C1QTNF5: variants seen among roughly 807,000 people sequenced by gnomAD.
C1QTNF5 encodes the protein C1q and TNF related 5.
A neutral mutation model predicts 10.9 loss-of-function variants in C1QTNF5; 5 were observed. The observed-to-expected ratio is 0.46, with a 90% CI of 0.24 to 0.97. The LOEUF is 0.97. C1QTNF5 is among the 50% of genes least tolerant of loss of function. The pLI is 0.19. For missense variants in C1QTNF5, 281 were observed against 339.4 expected, an observed-to-expected ratio of 0.83 and a Z score of 1.35; for synonymous variants, 161 against 156.5, an observed-to-expected ratio of 1.03 and a Z score of -0.22.
At chr11:119,346,337 C>T in the C1QTNF5 span, 3 of 1,613,930 alleles carry the variant, frequency 1.9e-6, no homozygotes, top group Non-Finnish European at 1.7e-6. Flanking sequence ...GCAGGGTGGC[C>T]CAGACTCAGG....
In C1QTNF5 at chr11:119,340,806, GCC is replaced by G. The variant is rs1271382403; in HGVS notation, c.-157_-156del. On this transcript the variant is annotated 5_prime_UTR_variant, in exon 1 of 3. Transcript: ENST00000528368. ...TCCCCGGCCAGGCGCCCCCTGCCCT[GCC>G]GTCACCCCAGTCCTGGTTCGCTCCC... 8.0e-6 allele frequency: 2 copies of G among 251,398 alleles called. No individual in the cohort carries two copies. The highest frequency in any genetic ancestry group is 4.7e-5 in the African/African-American group (2 of 42,806). 15.6% of individuals were successfully genotyped at this position (251,398 alleles called of 1,614,324 possible).
chr11:119,339,497 G>A lies in C1QTNF5; in HGVS notation c.566C>T (p.Ala189Val), dbSNP rs750204794. 8 of 1,613,760 alleles carry A rather than the reference G, an allele frequency of 5.0e-6. No individual in the cohort carries two copies. The Admixed American group carries it at 1.2e-4, about 24-fold the overall frequency. Residue 189 changes from alanine (A) to valine (V), a missense_variant, in exon 3 of 3, where the codon GCC becomes GTC. Physicochemically the swap from Ala to Val is moderately conservative, Grantham distance 64 (BLOSUM62 0). Transcript: ENST00000528368. The surrounding 1 kb of genome is among the most constrained non-coding windows in gnomAD (Gnocchi z 5.4). ...CACCATGGCCCCCCCCGAGAGCGAG[G>A]CTGGCTTGGGCCACCCCCCGAAAAA... Reference protein sequence around the residue: ...FQFFGGWPKPASLSGGAMVRL... With the variant: ...FQFFGGWPKPVSLSGGAMVRL...
Position 119,339,942 on chromosome 11 carries a change from T to G in C1QTNF5, c.215-94A>C. 1 of 1,391,072 alleles carries G rather than the reference T, an allele frequency of 7.2e-7. No individual in the cohort carries two copies. Among genetic ancestry groups the G allele is most frequent in the Non-Finnish European group, 9.3e-7 (1 of 1,071,090 alleles). The allele number at this position is 1,391,072 out of a possible 1,614,324, so 86.2% of individuals were successfully genotyped here. Reference sequence around the variant, plus strand: ...AGGTCACCGTACCCCTCCCCGCCCCTGCCTGAGCTTCGGCCAGCGCCTCCT... The same window carrying G: ...AGGTCACCGTACCCCTCCCCGCCCCGGCCTGAGCTTCGGCCAGCGCCTCCT... On this transcript the variant is annotated intron_variant, in intron 2 of 2. Transcript: ENST00000528368. This position sits in a 1 kb window ranked among gnomAD's most constrained non-coding sequence, Gnocchi z 5.4.
upstream of C1QTNF5, chr11:119,345,865 G>T (rs145883448): frequency 1.9e-6 from 3 of 1,613,670 alleles, no homozygotes; most frequent in African/African-American, 2.7e-5. Flanking sequence ...GGTGGTGGTC[G>T]TGGTAAGGCC....
At chr11:119,346,218 C>T in the C1QTNF5 span, 2 of 1,569,718 alleles carry the variant, frequency 1.3e-6, no homozygotes, top group Non-Finnish European at 1.7e-6. Flanking sequence ...CTCATGCTGT[C>T]CTTGGCTCCT....
Position 119,340,304 on chromosome 11 carries a change from G to A in C1QTNF5, c.94C>T (p.Pro32Ser). The A allele has an allele frequency of 6.5e-7, 1 of 1,536,288 alleles. No homozygotes were observed. The highest frequency in any genetic ancestry group is 8.8e-7 in the Non-Finnish European group (1 of 1,142,596). Residue 32 changes from proline (P) to serine (S), a missense_variant, in exon 2 of 3, where the codon CCC becomes TCC. Pro to Ser is a moderately conservative substitution (Grantham distance 74, BLOSUM62 -1). Transcript: ENST00000528368. ...NKIPSLCPGHPGLPGTPGHHG... is the reference protein window; with the variant it reads ...NKIPSLCPGHSGLPGTPGHHG... ...TGGCCCGGCGTGCCTGGAAGGCCGG[G>A]GTGCCCCGGGCAGAGGCTGGGGATC...
chr11:119,345,987 G>A, the C1QTNF5 span: 1 of 1,613,296 alleles, frequency 6.2e-7, no homozygotes, highest in South Asian at 1.1e-5. Flanking sequence ...GAGGCTGGGA[G>A]AGCGGCTCAT....
At chr11:119,341,246 C>T (rs938109381), upstream of C1QTNF5, 19 of 458,870 alleles carry the variant, frequency 4.1e-5, no homozygotes, top group Non-Finnish European at 7.1e-5. Flanking sequence ...AGAAGGCAGG[C>T]GATGGAGAAG....
upstream of C1QTNF5, chr11:119,342,576 C>T (rs371437024): frequency 5.4e-5 from 87 of 1,612,484 alleles, no homozygotes; most frequent in African/African-American, 1.1e-3. Flanking sequence ...GCTCAGGGTC[C>T]CCAGGGGCAG....
At chr11:119,342,438 T>C (rs1014470920), upstream of C1QTNF5, among the ~76,000 whole-genome samples, 1 of 152,182 alleles carries the variant, frequency 6.6e-6, no homozygotes, top group Non-Finnish European at 1.5e-5. Flanking sequence ...GCCGACTGTC[T>C]TCCAGGACTC....
the C1QTNF5 span, chr11:119,346,274 T>C: frequency 6.2e-7 from 1 of 1,612,316 alleles, no homozygotes; most frequent in South Asian, 1.1e-5. Context: ...ATGGTTACCA[T>C]GCCAGGGAGC....
At chr11:119,344,389 A>G (rs780153143), upstream of C1QTNF5, 2 of 1,612,946 alleles carry the variant, frequency 1.2e-6, no homozygotes, top group Non-Finnish European at 1.7e-6. Flanking sequence ...TTCCCCCCAC[A>G]CCCTGTAGAG....
upstream of C1QTNF5, chr11:119,342,861 A>T: frequency 6.2e-7 from 1 of 1,613,016 alleles, no homozygotes; most frequent in Non-Finnish European, 8.5e-7. Flanking sequence ...CCACTTGCCC[A>T]GGGGCACCTA....
At position 119,339,896 on chromosome 11, in the gene C1QTNF5, C is replaced by T. The variant is rs1342404878; in HGVS notation, c.215-48G>A. ...GGGTGAGAGTAGCGGCGGCTCAGCC[C>T]GCAGCGGGGCGGCGACTCTAAGGTC... On this transcript the variant is annotated intron_variant, in intron 2 of 2. Coordinates refer to ENST00000528368, the MANE Select transcript of C1QTNF5 (RefSeq NM_001278431.2). The surrounding 1 kb of genome is among the most constrained non-coding windows in gnomAD (Gnocchi z 5.4). 2.8e-6 allele frequency: 4 copies of T among 1,431,326 alleles called. No homozygotes were observed. Among genetic ancestry groups the T allele is most frequent in the African/African-American group, 2.9e-5 (2 of 68,334 alleles). The allele number at this position is 1,431,326 out of a possible 1,614,324, so 88.7% of individuals were successfully genotyped here.
chr11:119,339,613 G>A lies in C1QTNF5; in HGVS notation c.450C>T (p.Val150=). 6.2e-7 allele frequency: 1 copy of A among 1,613,150 alleles called. No homozygotes were observed. The highest frequency in any genetic ancestry group is 1.3e-5 in the African/African-American group (1 of 75,074). Residue 150 remains valine, a synonymous_variant, in exon 3 of 3, where the codon GTC becomes GTT. Coordinates refer to ENST00000528368, the MANE Select transcript of C1QTNF5 (RefSeq NM_001278431.2). This position sits in a 1 kb window ranked among gnomAD's most constrained non-coding sequence, Gnocchi z 5.4. ...CGGTGGCATGGACGGCGAAGTAGTA[G>A]ACCCCAGGCACCTGGCAGGTGAACT... is the stretch of plus-strand genomic sequence containing the variant. The part of the protein sequence containing the change: ...TGKFTCQVPG[V]YYFAVHATVY...
upstream of C1QTNF5, chr11:119,345,827 C>A (rs775773431): frequency 3.7e-6 from 6 of 1,613,910 alleles, no homozygotes; most frequent in Non-Finnish European, 5.1e-6. Context: ...GGGGTCCCAG[C>A]TGCCTGAGAG....
chr11:119,342,660 G>A (rs1341888229), upstream of C1QTNF5: 4 of 1,613,620 alleles, frequency 2.5e-6, no homozygotes, highest in African/African-American at 4.0e-5. Flanking sequence ...CTCTCCACAT[G>A]TCACACATCC....
the C1QTNF5 span, chr11:119,346,159 C>G: frequency 6.3e-7 from 1 of 1,587,946 alleles, no homozygotes; most frequent in Non-Finnish European, 8.6e-7. Flanking sequence ...AGGACGCCGA[C>G]CTGCGGGTTG....
At chr11:119,344,422 G>T (rs1388034305), upstream of C1QTNF5, 6 of 1,603,540 alleles carry the variant, frequency 3.7e-6, no homozygotes, top group Admixed American at 1.7e-5. Context: ...TCATGAGTTT[G>T]CTAGGATCTG....
Sources: allele counts gnomAD v4.1 joint callset (sites outside exome capture counted in the v4.1 genomes callset), GRCh38; gene constraint gnomAD v4.1.1; non-coding constraint Gnocchi (gnomAD v3.1); transcripts MANE v1.5; gene names NCBI Gene and HGNC (gene_info 2026-07-23, HGNC 2026-07-21).